The following PITPNM2 variants were observed in gnomAD, a reference collection of about 807,000 sequenced individuals.
The protein encoded by PITPNM2 is phosphatidylinositol transfer protein membrane associated 2, also known as membrane-associated phosphatidylinositol transfer protein 2.
A neutral mutation model predicts 132.2 loss-of-function variants in PITPNM2; 35 were observed. The observed-to-expected ratio is 0.26, with a 90% CI of 0.20 to 0.35. PITPNM2 has a LOEUF of 0.35. Ranked by LOEUF, PITPNM2 falls within the 10% of genes least tolerant of loss-of-function variation. PITPNM2 has a pLI of 1.00. For missense variants in PITPNM2, 1,332 were observed against 1,912.0 expected, an observed-to-expected ratio of 0.70 and a Z score of 5.66; for synonymous variants, 738 against 799.2, an observed-to-expected ratio of 0.92 and a Z score of 1.29.
chr12:123,021,111 C>T (rs1041374438), intron 3 of PITPNM2, among the ~76,000 whole-genome samples: 1 of 151,716 alleles, frequency 6.6e-6, no homozygotes, highest in Non-Finnish European at 1.5e-5. Flanking sequence ...GTGACTCAGC[C>T]TTTTCCTGCC....
chr12:123,147,820 C>G (rs58991895), intron 1 of PITPNM2, among the ~76,000 whole-genome samples: 7,266 of 152,248 alleles, frequency 0.048, 299 homozygotes, highest in East Asian at 0.25. Flanking sequence ...GTCTTAACTT[C>G]TTTCTCTGGG....
chr12:123,047,615 C>T (rs560742461), intron 2 of PITPNM2, among the ~76,000 whole-genome samples: 2 of 152,284 alleles, frequency 1.3e-5, no homozygotes, highest in South Asian at 4.2e-4. Flanking sequence ...GAACTCCATG[C>T]ACCTAACAAA....
intron 1 of PITPNM2, among the ~76,000 whole-genome samples, chr12:123,125,391 G>C (rs2043116059): frequency 6.6e-6 from 1 of 152,264 alleles, no homozygotes; most frequent in East Asian, 1.9e-4. Flanking sequence ...GATACAAAAA[G>C]CAGACTCAGT....
rs564364947 is a variant in PITPNM2, at chr12:122,987,229, C to T, written c.3413+52G>A. The T allele has an allele frequency of 1.0e-5, 16 of 1,599,202 alleles. No homozygotes were observed. The African/African-American group carries it at 1.9e-4, about 19-fold the overall frequency. ...TCCTCCACCTGGCTGGTGGGAGCCC[C>T]TGAGCCCACCCACCTTGCTACAGCC... On this transcript the variant is annotated intron_variant, in intron 23 of 25. Coordinates refer to ENST00000320201, the MANE Select transcript of PITPNM2 (RefSeq NM_020845.3).
Position 123,097,550 on chromosome 12 carries a change from T to C in PITPNM2, c.-96+12835A>G, listed in dbSNP as rs2042443258. Among the ~76,000 whole-genome samples, 1 of 152,146 alleles carries C rather than the reference T, an allele frequency of 6.6e-6. No individual in the cohort carries two copies. Among genetic ancestry groups the C allele is most frequent in the African/African-American group, 2.4e-5 (1 of 41,414 alleles). ...GATTGTCTTTCTTAAGGCACGCACA[T>C]GCTCAGCAGTGATGGCATGGATGGG... On this transcript the variant is annotated intron_variant, in intron 2 of 25. Transcript: ENST00000320201. This position sits in a 1 kb window ranked among gnomAD's most constrained non-coding sequence, Gnocchi z 4.7.
In PITPNM2 at chr12:123,078,460, A is replaced by G. The variant is rs917300503; in HGVS notation, c.-96+31925T>C. On this transcript the variant is annotated intron_variant, in intron 2 of 25. Coordinates refer to ENST00000320201, the MANE Select transcript of PITPNM2 (RefSeq NM_020845.3). The surrounding 1 kb of genome is among the most constrained non-coding windows in gnomAD (Gnocchi z 7.3). ...GAGCCTGGGCCCTCCGTCTCACGCC[A>G]CGATGCCCAGCCAGAGCCTGAAGTC... Among the ~76,000 whole-genome samples the G allele has an allele frequency of 1.3e-4, 20 of 152,156 alleles. No individual in the cohort carries two copies. The highest frequency in any genetic ancestry group is 3.2e-3 in the Middle Eastern group (1 of 316).
Position 123,150,483 on chromosome 12 carries a change from G to T in PITPNM2, c.-200+270C>A, listed in dbSNP as rs992871924. Among the ~76,000 whole-genome samples the T allele has an allele frequency of 6.6e-6, 1 of 152,228 alleles. No individual in the cohort carries two copies. Among genetic ancestry groups the T allele is most frequent in the East Asian group, 1.9e-4 (1 of 5,132 alleles). On this transcript the variant is annotated intron_variant, in intron 1 of 25. Coordinates refer to ENST00000320201, the MANE Select transcript of PITPNM2 (RefSeq NM_020845.3). This position sits in a 1 kb window ranked among gnomAD's most constrained non-coding sequence, Gnocchi z 6.0. ...ACGCGGTCGCGACCGACGGAAATTC[G>T]GAAATCAGCGTTTCGGGCACGGATC...
chr12:122,991,580 C>T (rs2038186599), intron 16 of PITPNM2, among the ~76,000 whole-genome samples: 1 of 152,236 alleles, frequency 6.6e-6, no homozygotes, highest in Non-Finnish European at 1.5e-5. Context: ...CCACAATATG[C>T]AGGGAGGAAG....
At chr12:123,096,078 G>A (rs532283518) in intron 2 of PITPNM2, among the ~76,000 whole-genome samples, 3 of 152,356 alleles carry the variant, frequency 2.0e-5, no homozygotes, top group African/African-American at 7.2e-5. Context: ...CATGTCGCCT[G>A]CTCAGGGAGC....
intron 3 of PITPNM2, among the ~76,000 whole-genome samples, chr12:123,024,105 T>C (rs914313655): frequency 6.6e-6 from 1 of 152,052 alleles, no homozygotes; most frequent in Non-Finnish European, 1.5e-5. Context: ...ATAGTAAGAA[T>C]AATAAAGGCA....
chr12:123,057,718 G>A (rs187391163), intron 2 of PITPNM2, among the ~76,000 whole-genome samples: 30 of 152,328 alleles, frequency 2.0e-4, no homozygotes, highest in African/African-American at 5.8e-4. Context: ...AGTTACAAGC[G>A]GCTGAGCCTC....
chr12:123,056,152 G>A (rs1184357032), intron 2 of PITPNM2, among the ~76,000 whole-genome samples: 1 of 152,192 alleles, frequency 6.6e-6, no homozygotes, highest in Non-Finnish European at 1.5e-5. Flanking sequence ...CTCTGGCCCT[G>A]AGGTCAAGGC....
At chr12:123,090,946 G>A (rs2042244401) in intron 2 of PITPNM2, 1 of 152,304 alleles carries the variant, frequency 6.6e-6, no homozygotes, top group Non-Finnish European at 1.5e-5. Context: ...GCACTGACCT[G>A]AGCCTCTTGT....
At chr12:122,987,173 C>G in intron 23 of PITPNM2, 108 bp downstream of exon 23, 1 of 1,499,842 alleles carries the variant, frequency 6.7e-7, no homozygotes. Flanking sequence ...AGTGCCCGAG[C>G]CAGGCGTCCC....
intron 3 of PITPNM2, among the ~76,000 whole-genome samples, chr12:123,017,291 G>T (rs1304642490): frequency 6.6e-6 from 1 of 150,670 alleles, no homozygotes; most frequent in Non-Finnish European, 1.5e-5. Flanking sequence ...GAGATTGCTT[G>T]AACCCAGGAG....
intron 2 of PITPNM2, among the ~76,000 whole-genome samples, chr12:123,102,651 G>A (rs1277366297): frequency 6.6e-6 from 1 of 152,120 alleles, no homozygotes. Flanking sequence ...GAACTTCACA[G>A]GTCTCATTCT....
intron 2 of PITPNM2, among the ~76,000 whole-genome samples, chr12:123,059,728 T>C (rs2041170243): frequency 6.6e-6 from 1 of 152,176 alleles, no homozygotes. Context: ...GTCTGGTGTA[T>C]GCCTGATTCT....
chr12:123,121,426 C>T (rs2137440604), intron 1 of PITPNM2, among the ~76,000 whole-genome samples: 1 of 152,314 alleles, frequency 6.6e-6, no homozygotes, highest in South Asian at 2.1e-4. Flanking sequence ...TAGATCTTTC[C>T]TACTTCTTAG....
chr12:122,990,330 A>G (rs2038133312), intron 17 of PITPNM2, among the ~76,000 whole-genome samples: 2 of 152,116 alleles, frequency 1.3e-5, no homozygotes, highest in South Asian at 4.1e-4. Flanking sequence ...CAGCCTAGAC[A>G]CTGCAGAGTC....
Sources: allele counts gnomAD v4.1 joint callset (sites outside exome capture counted in the v4.1 genomes callset), GRCh38; gene constraint gnomAD v4.1.1; non-coding constraint Gnocchi (gnomAD v3.1); transcripts MANE v1.5; gene names NCBI Gene and HGNC (gene_info 2026-07-23, HGNC 2026-07-21).